The following SCFD1 variants were observed in gnomAD, a reference collection of about 807,000 sequenced individuals.
SCFD1 encodes the protein sec1 family domain-containing protein 1.
SCFD1 carries 37 observed loss-of-function variants against 103.2 expected under a neutral mutation model. That is an observed-to-expected ratio of 0.36 (90% confidence interval 0.28 to 0.47). The LOEUF is 0.47. Among genes scored for constraint, SCFD1 ranks in the 20% least tolerant of loss-of-function variants. The pLI, the probability that SCFD1 is intolerant of heterozygous loss-of-function variation, is 1.00. For synonymous variants in SCFD1, 264 were observed against 245.0 expected, an observed-to-expected ratio of 1.08 and a Z score of -0.73; for missense variants, 639 against 761.2, an observed-to-expected ratio of 0.84 and a Z score of 1.89.
In SCFD1 at chr14:30,674,968, T is replaced by G; in HGVS notation, c.1161-16T>G. On this transcript the variant is annotated splice_polypyrimidine_tract_variant and intron_variant, in intron 13 of 24. Transcript: ENST00000458591. Reference sequence around the variant, plus strand: ...GAAAATTTATTGGTTAATATTTAATTTTTTGATACTTGCAGTTCTTTGCCA... The same window carrying G: ...GAAAATTTATTGGTTAATATTTAATGTTTTGATACTTGCAGTTCTTTGCCA... 6.6e-7 allele frequency: 1 copy of G among 1,507,916 alleles called. No individual in the cohort carries two copies. Among genetic ancestry groups the G allele is most frequent in the Non-Finnish European group, 9.0e-7 (1 of 1,113,248 alleles). The allele number at this position is 1,507,916 out of a possible 1,614,324, so 93.4% of individuals were successfully genotyped here. A position where few individuals can be genotyped will look rare whatever the true frequency, so the allele number is the denominator to read the frequency against.
intron 19 of SCFD1, among the ~76,000 whole-genome samples, chr14:30,714,926 A>ATAAT (rs1892169486): frequency 6.6e-6 from 1 of 152,240 alleles, no homozygotes; most frequent in Admixed American, 6.5e-5. Flanking sequence ...TATGTTCAAA[A>ATAAT]TAATAAAACT....
intron 4 of SCFD1, 51 bp downstream of exon 4, chr14:30,634,088 T>C: frequency 1.8e-6 from 2 of 1,126,748 alleles, no homozygotes; most frequent in East Asian, 2.5e-5. Context: ...ATGGATTTTT[T>C]TTTCAAGAAA....
Position 30,643,389 on chromosome 14 carries a change from CT to C in SCFD1, c.603del (p.Phe201LeufsTer9). The C allele has an allele frequency of 1.2e-6, 2 of 1,611,794 alleles. No individual in the cohort carries two copies. The highest frequency in any genetic ancestry group is 1.7e-6 in the Non-Finnish European group (2 of 1,178,006). On this transcript the variant is annotated frameshift_variant, in exon 7 of 25. Coordinates refer to ENST00000458591, the MANE Select transcript of SCFD1 (RefSeq NM_016106.4). LOFTEE classifies it high-confidence loss of function. Reference sequence around the variant, plus strand: ...ACACTATAGTTGACAGCCTCTTCTGCTTTTTTGTTACTCTGGGTAAGTTTTC... The same window carrying C: ...ACACTATAGTTGACAGCCTCTTCTGCTTTTTGTTACTCTGGGTAAGTTTTC... ...MDTIVDSLFC[F>X]FVTLGAVPII...
At chr14:30,719,277 C>A in intron 20 of SCFD1, 48 bp from the exon 21 acceptor site, 1 of 1,230,928 alleles carries the variant, frequency 8.1e-7, no homozygotes, top group Non-Finnish European at 1.2e-6. Context: ...AACTGACCTT[C>A]TGAAGAGAAA....
At chr14:30,717,122 A>T (rs1462530538) in intron 20 of SCFD1, among the ~76,000 whole-genome samples, 1 of 152,196 alleles carries the variant, frequency 6.6e-6, no homozygotes, top group Non-Finnish European at 1.5e-5. Context: ...AACTATAAAG[A>T]TTAAAAATAT....
chr14:30,726,852 C>T (rs1054479930), intron 23 of SCFD1, among the ~76,000 whole-genome samples: 2 of 152,114 alleles, frequency 1.3e-5, no homozygotes, highest in African/African-American at 4.8e-5. Flanking sequence ...AAAGGCAAAT[C>T]GGGCTTACCA....
At chr14:30,636,167 G>A (rs1212115125) in intron 4 of SCFD1, among the ~76,000 whole-genome samples, 1 of 151,702 alleles carries the variant, frequency 6.6e-6, no homozygotes, top group Non-Finnish European at 1.5e-5. Flanking sequence ...TTTATGATTT[G>A]TAAATATTTT....
intron 16 of SCFD1, 90 bp from the exon 17 acceptor site, chr14:30,702,206 T>C: frequency 1.2e-6 from 1 of 828,768 alleles, no homozygotes; most frequent in African/African-American, 1.7e-5. Context: ...CTCATGCCTT[T>C]GGTCTTACTT....
chr14:30,647,891 TC>T lies in SCFD1; in HGVS notation c.614-1635del, dbSNP rs1885998862. On this transcript the variant is annotated intron_variant, in intron 7 of 24. Coordinates refer to ENST00000458591, the MANE Select transcript of SCFD1 (RefSeq NM_016106.4). ...GTCTCGAACTCCTGACCTCAGGTGA[TC>T]CGCCCGCCTCAGCCTCCCAAAGTGC... Among the ~76,000 whole-genome samples the T allele has an allele frequency of 1.3e-5, 2 of 152,102 alleles. 1 individual carries two copies. Among genetic ancestry groups the T allele is most frequent in the Admixed American group, 1.3e-4 (2 of 15,272 alleles).
intron 10 of SCFD1, among the ~76,000 whole-genome samples, chr14:30,659,839 C>A (rs1184552924): frequency 1.3e-5 from 2 of 151,970 alleles, no homozygotes; most frequent in Non-Finnish European, 2.9e-5. Context: ...GTGGGTTGTA[C>A]TTCATATTTT....
At chr14:30,720,694 A>G (rs759132346) in intron 21 of SCFD1, among the ~76,000 whole-genome samples, 1 of 152,166 alleles carries the variant, frequency 6.6e-6, no homozygotes, top group Non-Finnish European at 1.5e-5. Context: ...CATTTACATT[A>G]TATTAGGTAT....
At chr14:30,664,771 G>A (rs556858763) in intron 10 of SCFD1, among the ~76,000 whole-genome samples, 8 of 152,256 alleles carry the variant, frequency 5.3e-5, no homozygotes, top group East Asian at 3.9e-4. Flanking sequence ...TAGCCAATTC[G>A]ATCAAGTGGA....
At chr14:30,733,425 C>G (rs536646007) in intron 23 of SCFD1, among the ~76,000 whole-genome samples, 178 of 152,316 alleles carry the variant, frequency 1.2e-3, no homozygotes, top group African/African-American at 4.2e-3. Flanking sequence ...TAAAATTACA[C>G]CTACACTTCA....
rs1891551298 is a variant in SCFD1, at chr14:30,707,495, G to A, written c.1554-495G>A. On this transcript the variant is annotated intron_variant, in intron 18 of 24. Transcript: ENST00000458591. ...AGAGAAAATATACAATGTAGAATTG[G>A]ATCCAGCTGCTGATAAAAGAGAACA... Among the ~76,000 whole-genome samples the A allele has an allele frequency of 2.0e-5, 3 of 152,068 alleles. No individual in the cohort carries two copies. In the South Asian group the frequency reaches 6.2e-4, roughly 32 times the overall value.
intron 7 of SCFD1, among the ~76,000 whole-genome samples, chr14:30,649,131 G>A: frequency 6.6e-6 from 1 of 152,082 alleles, no homozygotes; most frequent in Non-Finnish European, 1.5e-5. Context: ...TAATGGGAAG[G>A]TTCATTTCTG....
chr14:30,638,344 C>G, intron 5 of SCFD1, 97 bp downstream of exon 5: 1 of 1,533,818 alleles, frequency 6.5e-7, no homozygotes, highest in Non-Finnish European at 8.9e-7. Flanking sequence ...TGACAGATGA[C>G]CAGAACAACA....
intron 1 of SCFD1, among the ~76,000 whole-genome samples, chr14:30,623,782 T>C (rs1201477036): frequency 1.3e-5 from 2 of 152,196 alleles, no homozygotes; most frequent in African/African-American, 4.8e-5. Flanking sequence ...GTGCTAGATC[T>C]ATTTTTTATC....
rs1566645817 is a variant in SCFD1, at chr14:30,703,937, AT to A, written c.1490+1563del. The stretch of plus-strand genomic sequence containing the variant: ...TATATATATATATATATATATATAT[AT>A]ATATATATATATATATATATATATA... On this transcript the variant is annotated intron_variant, in intron 17 of 24. Coordinates refer to ENST00000458591, the MANE Select transcript of SCFD1 (RefSeq NM_016106.4). Among the ~76,000 whole-genome samples, 56 of 63,208 alleles carry A rather than the reference AT, an allele frequency of 8.9e-4. 4 individuals are homozygous for A. The highest frequency in any genetic ancestry group is 2.6e-3 in the South Asian group (5 of 1,940). 41.5% of individuals were successfully genotyped at this position (63,208 alleles called of 152,430 possible).
intron 14 of SCFD1, chr14:30,683,638 A>G: frequency 4.0e-6 from 1 of 249,898 alleles, no homozygotes; most frequent in South Asian, 4.5e-5. Context: ...GGGAGAGCTC[A>G]TGACTGCAAC....
Sources: gnomAD v4.1 joint callset for allele counts (sites outside exome capture counted in the v4.1 genomes callset) on GRCh38, gnomAD v4.1.1 for gene constraint, MANE v1.5 for transcripts, NCBI Gene and HGNC (gene_info 2026-07-23, HGNC 2026-07-21) for gene names.